Variants in PRICKLE1 observed in about 807,000 individuals in gnomAD.
The protein encoded by PRICKLE1 is prickle-like protein 1.
PRICKLE1 carries 14 observed loss-of-function variants against 70.2 expected under a neutral mutation model. The ratio of observed to expected loss-of-function variants is 0.20; its 90% CI spans 0.13 to 0.31. The LOEUF is 0.31. Among genes scored for constraint, PRICKLE1 ranks in the 10% least tolerant of loss-of-function variants. The pLI, the probability that PRICKLE1 is intolerant of heterozygous loss-of-function variation, is 1.00. For synonymous variants in PRICKLE1, 357 were observed against 379.9 expected (o/e 0.94, Z 0.70); for missense variants, 821 against 1,026.2 (o/e 0.80, Z 2.73).
At position 42,470,280 on chromosome 12, in the gene PRICKLE1, T is replaced by A; in HGVS notation, c.212A>T (p.Gln71Leu). ...NSPGEKHRIK[Q>L]LLYQLPPHDN... ...ATGTGGTGGTAACTGGTACAAAAGCTGTTTAATCCGATGCTTCTCTCCGGG... is the reference window on the plus strand; with the variant it reads ...ATGTGGTGGTAACTGGTACAAAAGCAGTTTAATCCGATGCTTCTCTCCGGG... Residue 71 changes from glutamine to leucine, a missense_variant, in exon 3 of 8, where the codon CAG (glutamine) becomes CTG (leucine). Transcript: ENST00000345127. 6.2e-7 allele frequency: 1 copy of A among 1,614,082 alleles called. No individual in the cohort carries two copies. Among genetic ancestry groups the A allele is most frequent in the Non-Finnish European group, 8.5e-7 (1 of 1,179,910 alleles).
chr12:42,549,336 C>T (rs543663747), intron 1 of PRICKLE1, among the ~76,000 whole-genome samples: 2 of 152,126 alleles, frequency 1.3e-5, no homozygotes, highest in South Asian at 4.1e-4. Context: ...CTAAGGAATT[C>T]GCATGACTAC....
chr12:42,474,366 T>C (rs1350171355), intron 1 of PRICKLE1, among the ~76,000 whole-genome samples: 1 of 152,246 alleles, frequency 6.6e-6, no homozygotes, highest in Non-Finnish European at 1.5e-5. Context: ...TAACAGTTCA[T>C]AAATGAAGGG....
rs1015056742 is a variant in PRICKLE1, at chr12:42,520,320, C to T, written c.-48-47756G>A. Among the ~76,000 whole-genome samples the T allele has an allele frequency of 2.6e-5, 4 of 152,176 alleles. No individual in the cohort carries two copies. In the South Asian group the frequency reaches 6.2e-4, roughly 24 times the overall value. ...AATGTGGAAAAGAAAGATGTAAGAC[C>T]GTGGTGGTCAATGCAAATGAGAATA... On this transcript the variant is annotated intron_variant, in intron 1 of 7. Coordinates refer to ENST00000345127, the MANE Select transcript of PRICKLE1 (RefSeq NM_153026.3).
At chr12:42,577,322 T>G (rs567348645) in intron 1 of PRICKLE1, among the ~76,000 whole-genome samples, 10 of 152,186 alleles carry the variant, frequency 6.6e-5, no homozygotes, top group Non-Finnish European at 1.2e-4. Flanking sequence ...GCTGTCACAT[T>G]GAACTCTAAG....
rs755963146 is a variant in PRICKLE1 at position 42,459,992 on chromosome 12, G to A, written c.2313C>T (p.Asp771=). 1 of 1,613,966 alleles carries A rather than the reference G, an allele frequency of 6.2e-7. No homozygotes were observed. Among genetic ancestry groups the A allele is most frequent in the Non-Finnish European group, 8.5e-7 (1 of 1,179,948 alleles). ...CAAGAAAATATCCTTCTTCTTCCGA[G>A]TCGGAAGAGGAGGAGGAGGAAGAAC... ...SWCSSSSSSS[D]SEEEGYFLGQ... Residue 771 remains aspartate, a synonymous_variant, in exon 8 of 8, where the codon GAC becomes GAT. Coordinates refer to ENST00000345127, the MANE Select transcript of PRICKLE1 (RefSeq NM_153026.3).
At chr12:42,462,129 T>C (rs1191092393) in intron 7 of PRICKLE1, among the ~76,000 whole-genome samples, 1 of 152,148 alleles carries the variant, frequency 6.6e-6, no homozygotes, top group Non-Finnish European at 1.5e-5. Context: ...AAAGGGGGCC[T>C]ATTTTTCAGC....
chr12:42,459,386 C>T lies in PRICKLE1; in HGVS notation c.*423G>A. On this transcript the variant is annotated 3_prime_UTR_variant, in exon 8 of 8. Transcript: ENST00000345127. ...AGCTAGGTCATCGTGACAGGCATGC[C>T]TCACACCAAGACGGACTATCAAGAC... The T allele has an allele frequency of 1.4e-6, 1 of 702,252 alleles. No homozygotes were observed. Among genetic ancestry groups the T allele is most frequent in the Non-Finnish European group, 2.6e-6 (1 of 384,938 alleles). The allele number at this position is 702,252 out of a possible 1,614,324, so 43.5% of individuals were successfully genotyped here. A position where few individuals can be genotyped will look rare whatever the true frequency, so the allele number is the denominator to read the frequency against.
In PRICKLE1 at chr12:42,540,500, T is replaced by A. The variant is rs76451778; in HGVS notation, c.-49+48965A>T. Among the ~76,000 whole-genome samples, 267 of 152,308 alleles carry A rather than the reference T, an allele frequency of 1.8e-3. 4 individuals are homozygous for A. In the East Asian group the frequency reaches 0.02, roughly 12 times the overall value. ...TAGCATATAGTAAGCTTTAAATGAA[T>A]GCTAATTATTTTTTATTATATCTGA... is the stretch of plus-strand genomic sequence containing the variant. On this transcript the variant is annotated intron_variant, in intron 1 of 7. Coordinates refer to ENST00000345127, the MANE Select transcript of PRICKLE1 (RefSeq NM_153026.3).
intron 1 of PRICKLE1, among the ~76,000 whole-genome samples, chr12:42,554,852 GT>G (rs1186424288): frequency 3.6e-4 from 54 of 151,228 alleles, no homozygotes; most frequent in Non-Finnish European, 1.8e-4. Flanking sequence ...AATTCCTCTA[GT>G]TTAAATAAAA....
At chr12:42,572,435 T>TTAAATAAA (rs35565532) in intron 1 of PRICKLE1, among the ~76,000 whole-genome samples, 108 of 147,686 alleles carry the variant, frequency 7.3e-4, no homozygotes, top group East Asian at 4.4e-3. Flanking sequence ...AAACTCTGTC[T>TTAAATAAA]TAAATAAATA....
chr12:42,527,415 G>C (rs1023980790), intron 1 of PRICKLE1, among the ~76,000 whole-genome samples: 1 of 152,144 alleles, frequency 6.6e-6, no homozygotes, highest in Non-Finnish European at 1.5e-5. Context: ...TTACAGGCAT[G>C]AGCTACCATC....
chr12:42,506,587 T>C (rs1460491366), intron 1 of PRICKLE1, among the ~76,000 whole-genome samples: 5 of 136,860 alleles, frequency 3.7e-5, no homozygotes, highest in African/African-American at 1.1e-4. Context: ...TTTTTTTTTT[T>C]TTTTTTTTGA....
intron 1 of PRICKLE1, among the ~76,000 whole-genome samples, chr12:42,541,049 C>A (rs954753840): frequency 1.3e-5 from 2 of 151,992 alleles, no homozygotes; most frequent in African/African-American, 2.4e-5. Context: ...CTATAGCCCC[C>A]ATTCAGAGAT....
At chr12:42,470,204 T>A (rs779399194) in intron 3 of PRICKLE1, 42 bp downstream of exon 3, 3 of 1,386,158 alleles carry the variant, frequency 2.2e-6, no homozygotes, top group Non-Finnish European at 3.1e-6. Context: ...CTCATGCATT[T>A]TTTCTTCTTT....
At chr12:42,554,119 C>G (rs1044606635) in intron 1 of PRICKLE1, among the ~76,000 whole-genome samples, 25 of 152,078 alleles carry the variant, frequency 1.6e-4, no homozygotes, top group Non-Finnish European at 3.4e-4. Context: ...CAAAACGAAA[C>G]AAACAAACCA....
intron 1 of PRICKLE1, among the ~76,000 whole-genome samples, chr12:42,577,538 CTAA>C (rs1409718149): frequency 6.6e-6 from 1 of 152,116 alleles, no homozygotes; most frequent in Non-Finnish European, 1.5e-5. Flanking sequence ...AATGATGAGA[CTAA>C]TAATAACACT....
At chr12:42,495,745 C>G (rs1025467637) in intron 1 of PRICKLE1, among the ~76,000 whole-genome samples, 2 of 151,506 alleles carry the variant, frequency 1.3e-5, no homozygotes, top group East Asian at 2.0e-4. Context: ...CGTGCCACCA[C>G]GCCCTGCTAA....
chr12:42,469,306 T>C, intron 4 of PRICKLE1, 144 bp downstream of exon 4: 1 of 903,036 alleles, frequency 1.1e-6, no homozygotes, highest in Non-Finnish European at 1.8e-6. Flanking sequence ...TGATTTGCTA[T>C]TTAATAAAAA....
chr12:42,548,834 G>A (rs1940256186), intron 1 of PRICKLE1, among the ~76,000 whole-genome samples: 1 of 152,022 alleles, frequency 6.6e-6, no homozygotes, highest in Non-Finnish European at 1.5e-5. Context: ...TAAGAAGAAG[G>A]GTGAGGCCGG....
Sources: allele counts gnomAD v4.1 joint callset (sites outside exome capture counted in the v4.1 genomes callset), GRCh38; gene constraint gnomAD v4.1.1; transcripts MANE v1.5; gene names NCBI Gene and HGNC (gene_info 2026-07-23, HGNC 2026-07-21).